The following HLF variants were observed in gnomAD, a reference collection of about 807,000 sequenced individuals.
The protein encoded by HLF is hepatic leukemia factor.
Under a neutral mutation model 22.6 loss-of-function variants are expected in HLF, and 3 were observed. The ratio of observed to expected loss-of-function variants is 0.13; its 90% CI spans 0.06 to 0.34. HLF has a LOEUF of 0.34. Ranked by LOEUF, HLF falls within the 10% of genes least tolerant of loss-of-function variation. The pLI, the probability that HLF is intolerant of heterozygous loss-of-function variation, is 1.00. For synonymous variants in HLF, 151 were observed against 151.8 expected (o/e 0.99, Z 0.04); for missense variants, 299 against 389.2 (o/e 0.77, Z 1.95).
intron 2 of HLF, among the ~76,000 whole-genome samples, chr17:55,312,932 T>A (rs1162184066): frequency 6.6e-6 from 1 of 152,160 alleles, no homozygotes; most frequent in East Asian, 1.9e-4. Context: ...AAAAATGAGT[T>A]TAGTAGAGTT....
At chr17:55,279,638 AT>A (rs2080936004) in intron 2 of HLF, among the ~76,000 whole-genome samples, 1 of 152,116 alleles carries the variant, frequency 6.6e-6, no homozygotes, top group Non-Finnish European at 1.5e-5. Flanking sequence ...TGCAAACATA[AT>A]TTTGGGACAC....
At chr17:55,314,658 C>T (rs2145370019) in intron 2 of HLF, among the ~76,000 whole-genome samples, 1 of 152,340 alleles carries the variant, frequency 6.6e-6, no homozygotes, top group South Asian at 2.1e-4. Context: ...AAACCTCTGT[C>T]TTGTCTTGGC....
chr17:55,284,722 G>T (rs2080987073), intron 2 of HLF, among the ~76,000 whole-genome samples: 1 of 152,168 alleles, frequency 6.6e-6, no homozygotes, highest in Non-Finnish European at 1.5e-5. Context: ...GTTCCTGAGA[G>T]GTTCAGAAGT....
At position 55,324,808 on chromosome 17, in the gene HLF, T is replaced by TGTGTGTGTGC. The variant is rs142611274; in HGVS notation, c.*3930_*3931insTGTGTGTGCG. On this transcript the variant is annotated 3_prime_UTR_variant, in exon 4 of 4. Coordinates refer to ENST00000226067, the MANE Select transcript of HLF (RefSeq NM_002126.5). ...GTGTAAGAGTGTGTGTGTGTGTGTGTGCGTGCATGTGTGTGTGTGTGTATG... is the reference window on the plus strand; with the variant it reads ...GTGTAAGAGTGTGTGTGTGTGTGTGTGTGTGTGTGCGCGTGCATGTGTGTGTGTGTGTATG... 2.6e-5 allele frequency: 6 copies of TGTGTGTGTGC among 231,052 alleles called. No individual in the cohort carries two copies. The highest frequency in any genetic ancestry group is 1.1e-4 in the African/African-American group (5 of 45,048). The allele number at this position is 231,052 out of a possible 1,614,324, so 14.3% of individuals were successfully genotyped here.
At chr17:55,269,206 A>G (rs1186125559) in intron 2 of HLF, among the ~76,000 whole-genome samples, 1 of 152,168 alleles carries the variant, frequency 6.6e-6, no homozygotes, top group Non-Finnish European at 1.5e-5. Context: ...CCCTGCCTCG[A>G]TATATTCATA....
chr17:55,289,699 A>G (rs1472133626), intron 2 of HLF, among the ~76,000 whole-genome samples: 1 of 152,242 alleles, frequency 6.6e-6, no homozygotes, highest in Non-Finnish European at 1.5e-5. Flanking sequence ...TACAGTTGCC[A>G]TATATTCATA....
chr17:55,323,142 G>A lies in HLF; in HGVS notation c.*2263G>A, dbSNP rs953276541. 3.7e-5 allele frequency: 8 copies of A among 216,828 alleles called. No individual in the cohort carries two copies. The highest frequency in any genetic ancestry group is 6.7e-5 in the African/African-American group (3 of 44,466). 13.4% of individuals were successfully genotyped at this position (216,828 alleles called of 1,614,324 possible). On this transcript the variant is annotated 3_prime_UTR_variant, in exon 4 of 4. Transcript: ENST00000226067. Reference sequence around the variant, plus strand: ...CAAGGTGTTCATTTTGTCACAAGCTGTAGATAACAGCAAGAGATGGGGGTG... The same window carrying A: ...CAAGGTGTTCATTTTGTCACAAGCTATAGATAACAGCAAGAGATGGGGGTG...
chr17:55,304,521 A>G (rs1458895081), intron 2 of HLF, among the ~76,000 whole-genome samples: 1 of 152,204 alleles, frequency 6.6e-6, no homozygotes, highest in African/African-American at 2.4e-5. Context: ...AGGAAGCATG[A>G]TGGTAAACAC....
intron 2 of HLF, among the ~76,000 whole-genome samples, chr17:55,276,228 C>T (rs938144550): frequency 6.6e-6 from 1 of 152,110 alleles, no homozygotes; most frequent in Non-Finnish European, 1.5e-5. Context: ...TTTGTGCACC[C>T]TGAGGAAGAG....
Position 55,265,223 on chromosome 17 carries a change from G to A in HLF, c.-262G>A. 2.8e-6 allele frequency: 1 copy of A among 363,610 alleles called. No individual in the cohort carries two copies. The highest frequency in any genetic ancestry group is 4.6e-5 in the East Asian group (1 of 21,774). 22.5% of individuals were successfully genotyped at this position (363,610 alleles called of 1,614,324 possible). On this transcript the variant is annotated 5_prime_UTR_variant, in exon 1 of 4. Coordinates refer to ENST00000226067, the MANE Select transcript of HLF (RefSeq NM_002126.5). Reference sequence around the variant, plus strand: ...GGTTCGAGGCAGGTGAGAGCATCCTGCACGTCGCCGGGGAGCCCGCGGGCA... The same window carrying A: ...GGTTCGAGGCAGGTGAGAGCATCCTACACGTCGCCGGGGAGCCCGCGGGCA...
intron 2 of HLF, among the ~76,000 whole-genome samples, chr17:55,305,172 A>C (rs1254389061): frequency 6.6e-6 from 1 of 152,178 alleles, no homozygotes; most frequent in African/African-American, 2.4e-5. Flanking sequence ...CCCTTCTCCT[A>C]GTGAGCCGTG....
intron 2 of HLF, chr17:55,273,790 C>T (rs2080879355): frequency 6.6e-6 from 1 of 152,030 alleles, no homozygotes; most frequent in Non-Finnish European, 1.5e-5. Context: ...CCCCTCGCTT[C>T]CCTTCCCAGG....
intron 2 of HLF, among the ~76,000 whole-genome samples, chr17:55,268,500 C>G (rs1227083380): frequency 6.6e-6 from 1 of 152,160 alleles, no homozygotes; most frequent in Non-Finnish European, 1.5e-5. Flanking sequence ...ACGTAGATAA[C>G]AGGTAGACTC....
chr17:55,289,560 A>G (rs1300147508), intron 2 of HLF, among the ~76,000 whole-genome samples: 3 of 152,194 alleles, frequency 2.0e-5, no homozygotes, highest in Non-Finnish European at 4.4e-5. Flanking sequence ...CTCTGCATAA[A>G]ATAGTGCATA....
At chr17:55,277,235 ATGTGTATG>A (rs1421989618) in intron 2 of HLF, among the ~76,000 whole-genome samples, 44 of 19,146 alleles carry the variant, frequency 2.3e-3, no homozygotes, top group African/African-American at 4.9e-3. Context: ...ACCAGATGTT[ATGTGTATG>A]TGTGTGTGTG....
At position 55,307,273 on chromosome 17, in the gene HLF, C is replaced by A. The variant is rs1051619689; in HGVS notation, c.452-7954C>A. Among the ~76,000 whole-genome samples the A allele has an allele frequency of 4.0e-5, 6 of 150,960 alleles. No individual in the cohort carries two copies. In the East Asian group the frequency reaches 7.8e-4, roughly 20 times the overall value. On this transcript the variant is annotated intron_variant, in intron 2 of 3. Transcript: ENST00000226067. ...GGTTCAGGTGATTCTCCTGCCTCAG[C>A]CTCCCAAGTAGCTGGAATTACAAGC...
intron 2 of HLF, among the ~76,000 whole-genome samples, chr17:55,297,716 G>A (rs2145342857): frequency 6.9e-6 from 1 of 143,968 alleles, no homozygotes; most frequent in East Asian, 2.0e-4. Context: ...TGAGGACCAC[G>A]TGTCTTCATC....
At chr17:55,265,714 C>A in intron 1 of HLF, 115 bp downstream of exon 1, 2 of 1,083,896 alleles carry the variant, frequency 1.8e-6, no homozygotes, top group Non-Finnish European at 2.5e-6. Flanking sequence ...TGTCCCGCGG[C>A]GCCCCGGCCC....
intron 2 of HLF, among the ~76,000 whole-genome samples, chr17:55,270,969 A>G (rs1281815596): frequency 2.6e-5 from 4 of 152,168 alleles, no homozygotes; most frequent in Admixed American, 6.5e-5. Flanking sequence ...CTTACGCTTT[A>G]TAGGATGCTT....
Sources: allele counts gnomAD v4.1 joint callset (sites outside exome capture counted in the v4.1 genomes callset), GRCh38; gene constraint gnomAD v4.1.1; transcripts MANE v1.5; gene names NCBI Gene and HGNC (gene_info 2026-07-23, HGNC 2026-07-21).